CLYBL: variants seen among roughly 807,000 people sequenced by gnomAD.
CLYBL encodes the protein citramalyl-CoA lyase, also known as citramalyl-CoA lyase, mitochondrial.
A neutral mutation model predicts 38.9 loss-of-function variants in CLYBL; 31 were observed. The observed-to-expected ratio is 0.80, with a 90% CI of 0.60 to 1.08. The LOEUF (loss-of-function observed/expected upper bound fraction) is 1.08. Among genes scored for constraint, CLYBL ranks in the 50% least tolerant of loss-of-function variants. The pLI is 0.00. For synonymous variants in CLYBL, 171 were observed against 158.6 expected (o/e 1.08, Z -0.59); for missense variants, 434 against 411.6 (o/e 1.05, Z -0.47).
At chr13:99,712,075 C>G (rs1163124302) in intron 1 of CLYBL, among the ~76,000 whole-genome samples, 2 of 152,154 alleles carry the variant, frequency 1.3e-5, no homozygotes, top group Non-Finnish European at 2.9e-5. Flanking sequence ...AACCAAAGGC[C>G]TCACCTCCAC....
At chr13:99,793,055 C>T (rs1018080200) in intron 2 of CLYBL, among the ~76,000 whole-genome samples, 6 of 151,830 alleles carry the variant, frequency 4.0e-5, no homozygotes, top group Non-Finnish European at 8.8e-5. Flanking sequence ...CACACACACA[C>T]ACACACACAC....
intron 1 of CLYBL, among the ~76,000 whole-genome samples, chr13:99,709,772 ACT>A (rs779666202): frequency 1.1e-4 from 17 of 151,904 alleles, no homozygotes; most frequent in Non-Finnish European, 2.4e-4. Flanking sequence ...TATTTTGTAG[ACT>A]CTTATGTGTG....
chr13:99,748,429 G>GGTT, intron 1 of CLYBL, among the ~76,000 whole-genome samples: 1 of 87,686 alleles, frequency 1.1e-5, no homozygotes, highest in Non-Finnish European at 2.0e-5. Context: ...CTAGTTTTGT[G>GGTT]TTTTTTTTTT....
At chr13:99,819,465 T>A (rs187262452) in intron 2 of CLYBL, among the ~76,000 whole-genome samples, 18,548 of 57,996 alleles carry the variant, frequency 0.32, 2,779 homozygotes, top group East Asian at 0.5. Flanking sequence ...TATATATATA[T>A]ATAATATTTG....
chr13:99,810,135 T>C (rs2050311919), intron 2 of CLYBL, among the ~76,000 whole-genome samples: 1 of 152,230 alleles, frequency 6.6e-6, no homozygotes, highest in African/African-American at 2.4e-5. Flanking sequence ...AGAAACCACT[T>C]TGTGGCAACA....
chr13:99,898,562 C>A (rs922724933), downstream of CLYBL, among the ~76,000 whole-genome samples: 5 of 152,208 alleles, frequency 3.3e-5, no homozygotes, highest in African/African-American at 1.2e-4. Flanking sequence ...CCCAGGCTGG[C>A]AGAAGGGAGC....
In CLYBL at chr13:99,873,953, T is replaced by C. The variant is rs550896433; in HGVS notation, c.927+2891T>C. ...GTATAATGTTGGTTGACAATCACTTTACATTAAAACAAATAACAATCAGCT... is the reference window on the plus strand; with the variant it reads ...GTATAATGTTGGTTGACAATCACTTCACATTAAAACAAATAACAATCAGCT... On this transcript the variant is annotated intron_variant, in intron 7 of 8. Transcript: ENST00000339105. Among the ~76,000 whole-genome samples the C allele has an allele frequency of 6.5e-4, 98 of 151,524 alleles. 1 individual carries two copies. Among genetic ancestry groups the C allele is most frequent in the South Asian group, 3.9e-3 (19 of 4,812 alleles).
chr13:99,889,897 C>T (rs1037092562), intron 7 of CLYBL, among the ~76,000 whole-genome samples: 1 of 152,108 alleles, frequency 6.6e-6, no homozygotes, highest in Non-Finnish European at 1.5e-5. Context: ...ACAATAGATG[C>T]AAATGGACCA....
At chr13:99,726,691 T>G (rs1301801620) in intron 1 of CLYBL, 1 of 152,310 alleles carries the variant, frequency 6.6e-6, no homozygotes, top group Non-Finnish European at 1.5e-5. Context: ...GGCCTGGCCC[T>G]CAGTGCGTCC....
chr13:99,825,413 A>C (rs2761168), intron 2 of CLYBL, among the ~76,000 whole-genome samples: 128,721 of 152,200 alleles, frequency 0.85, 54,673 homozygotes, highest in East Asian at 0.95. Flanking sequence ...GGTGCCCTGT[A>C]AATGTTGCTT....
intron 7 of CLYBL, among the ~76,000 whole-genome samples, chr13:99,880,068 A>ATATATATT (rs34063235): frequency 2.6e-3 from 267 of 101,182 alleles, no homozygotes; most frequent in Admixed American, 4.4e-3. Flanking sequence ...ATATATATAT[A>ATATATATT]TTTTTTTTTT....
At chr13:99,760,890 T>A (rs1325500799) in intron 1 of CLYBL, among the ~76,000 whole-genome samples, 1 of 152,238 alleles carries the variant, frequency 6.6e-6, no homozygotes. Flanking sequence ...TCTTTTCTTC[T>A]AGCTATTTGG....
intron 1 of CLYBL, among the ~76,000 whole-genome samples, chr13:99,713,861 TA>T (rs1196014429): frequency 3.3e-5 from 5 of 152,096 alleles, no homozygotes; most frequent in East Asian, 3.9e-4. Flanking sequence ...TTTTTAAATA[TA>T]TTTTTTTGTA....
intron 1 of CLYBL, among the ~76,000 whole-genome samples, chr13:99,751,037 C>T (rs916610455): frequency 4.6e-5 from 7 of 152,094 alleles, no homozygotes; most frequent in Admixed American, 1.3e-4. Context: ...GACTCCAACA[C>T]GTATTTGTAC....
intron 2 of CLYBL, among the ~76,000 whole-genome samples, chr13:99,831,557 T>A (rs868218667): frequency 6.6e-6 from 1 of 152,044 alleles, no homozygotes; most frequent in South Asian, 2.1e-4. Flanking sequence ...AAATAAAATT[T>A]AAAAAATGAA....
At chr13:99,688,002 T>A (rs1427727654) in intron 1 of CLYBL, among the ~76,000 whole-genome samples, 5 of 152,200 alleles carry the variant, frequency 3.3e-5, no homozygotes, top group African/African-American at 1.2e-4. Flanking sequence ...AGGTGATAAT[T>A]AGGAAATATA....
At chr13:99,790,853 T>A (rs1202065296) in intron 2 of CLYBL, among the ~76,000 whole-genome samples, 5 of 152,234 alleles carry the variant, frequency 3.3e-5, no homozygotes, top group Non-Finnish European at 7.3e-5. Context: ...TCCTGTTTTC[T>A]ACATCCTATG....
chr13:99,854,671 G>A (rs191695493), intron 2 of CLYBL, among the ~76,000 whole-genome samples: 3 of 152,260 alleles, frequency 2.0e-5, no homozygotes, highest in East Asian at 1.9e-4. Flanking sequence ...TTGCGAGGAT[G>A]ATTAGTTATT....
At chr13:99,697,202 A>C (rs1415065883) in intron 1 of CLYBL, among the ~76,000 whole-genome samples, 1 of 152,196 alleles carries the variant, frequency 6.6e-6, no homozygotes, top group Non-Finnish European at 1.5e-5. Context: ...AAATGGGTAT[A>C]ATCAAAGTCT....
Sources: gnomAD v4.1 joint callset for allele counts (sites outside exome capture counted in the v4.1 genomes callset) on GRCh38, gnomAD v4.1.1 for gene constraint, MANE v1.5 for transcripts, NCBI Gene and HGNC (gene_info 2026-07-23, HGNC 2026-07-21) for gene names.